The following CFAP300 variants were observed in gnomAD, a reference collection of about 807,000 sequenced individuals.
The protein encoded by CFAP300 is cilia and flagella associated protein 300, also known as cilia- and flagella-associated protein 300.
A neutral mutation model predicts 33.0 loss-of-function variants in CFAP300; 32 were observed. That is an observed-to-expected ratio of 0.97 (90% CI 0.73 to 1.30). The LOEUF is 1.30. CFAP300 is among the 50% of genes most tolerant of loss of function. CFAP300 has a pLI of 0.00. For missense variants in CFAP300, 356 were observed against 318.1 expected (o/e 1.12, Z -0.90); for synonymous variants, 102 against 106.8 (o/e 0.95, Z 0.28).
intron 3 of CFAP300, among the ~76,000 whole-genome samples, chr11:102,064,277 G>C (rs545729969): frequency 6.6e-6 from 1 of 152,120 alleles, no homozygotes; most frequent in Non-Finnish European, 1.5e-5. Flanking sequence ...TGGCATGCCC[G>C]ATGTCAGTCC....
At chr11:102,064,930 T>C (rs746964609) in intron 3 of CFAP300, among the ~76,000 whole-genome samples, 34 of 152,154 alleles carry the variant, frequency 2.2e-4, no homozygotes, top group Non-Finnish European at 4.0e-4. Flanking sequence ...GGATAGGGAA[T>C]GGAGGATGGG....
rs1214706119 is a variant in CFAP300 at position 102,083,081 on chromosome 11, G to A, written c.686G>A (p.Gly229Asp). 1.4e-6 allele frequency: 2 copies of A among 1,458,354 alleles called. No individual in the cohort carries two copies. Among genetic ancestry groups the A allele is most frequent in the African/African-American group, 1.4e-5 (1 of 69,472 alleles). 90.3% of individuals were successfully genotyped at this position (1,458,354 alleles called of 1,614,324 possible). ...VFKVSAYDSA[G>D]MCYPSAKNHE... Reference sequence around the variant, plus strand: ...GTTTGTCTTTTTCAGGATTCTGCTGGTATGTGCTATCCTTCAGCAAAGAAT... The same window carrying A: ...GTTTGTCTTTTTCAGGATTCTGCTGATATGTGCTATCCTTCAGCAAAGAAT... The change falls in exon 7 of 7, where the codon GGT (glycine) becomes GAT (aspartate). Residue 229 changes from glycine to aspartate, a missense_variant. Gly to Asp is a moderately conservative substitution (Grantham distance 94, BLOSUM62 -1). Transcript: ENST00000434758.
At chr11:102,063,000 A>C (rs1942171730) in intron 3 of CFAP300, among the ~76,000 whole-genome samples, 2 of 151,630 alleles carry the variant, frequency 1.3e-5, no homozygotes, top group South Asian at 4.1e-4. Context: ...AAAGGTTAGA[A>C]AGACCCCGAA....
intron 3 of CFAP300, among the ~76,000 whole-genome samples, chr11:102,065,885 C>T (rs937553269): frequency 5.9e-5 from 9 of 151,906 alleles, no homozygotes; most frequent in African/African-American, 1.9e-4. Context: ...GAATCCTCTA[C>T]TACATTTTTT....
chr11:102,071,545 TG>T (rs372685960), intron 4 of CFAP300, among the ~76,000 whole-genome samples: 17 of 152,308 alleles, frequency 1.1e-4, no homozygotes, highest in African/African-American at 4.1e-4. Context: ...CTTTGGGGTT[TG>T]GTGGTTTTCT....
intron 2 of CFAP300, among the ~76,000 whole-genome samples, chr11:102,048,858 G>A (rs761073603): frequency 1.3e-5 from 2 of 151,612 alleles, no homozygotes; most frequent in Non-Finnish European, 1.5e-5. Flanking sequence ...AGTTTATGAA[G>A]TTATCTTCAT....
chr11:102,049,037 C>T (rs1941929609), intron 2 of CFAP300, among the ~76,000 whole-genome samples: 1 of 151,592 alleles, frequency 6.6e-6, no homozygotes, highest in South Asian at 2.1e-4. Context: ...GGCAAGACTA[C>T]AATAAATGAA....
In CFAP300 at chr11:102,058,903, T is replaced by C. The variant is rs768846842; in HGVS notation, c.216T>C (p.Val72=). The C allele has an allele frequency of 1.3e-6, 2 of 1,587,164 alleles. No individual in the cohort carries two copies. The highest frequency in any genetic ancestry group is 1.2e-5 in the South Asian group (1 of 84,358). The stretch of plus-strand genomic sequence containing the variant: ...AGGCTTTTTTCAAAGACCCAAATGT[T>C]ATTCCCAATTTGAAGTTACTTTCAG... ...FVMAFFKDPN[V]IPNLKLLSDS... Residue 72 remains valine, a synonymous_variant, in exon 3 of 7, where the codon GTT becomes GTC. Transcript: ENST00000434758.
chr11:102,047,444 C>T lies in CFAP300; in HGVS notation c.-27C>T, dbSNP rs1320018491. On this transcript the variant is annotated 5_prime_UTR_variant, in exon 1 of 7. Transcript: ENST00000434758. ...GCCGCCGCGTCTCCATGGAAACGGC[C>T]CAGGCATCCACCCAGCCGAGAGCAC... 2.6e-6 allele frequency: 4 copies of T among 1,522,814 alleles called. No individual in the cohort carries two copies. Among genetic ancestry groups the T allele is most frequent in the Non-Finnish European group, 3.5e-6 (4 of 1,135,076 alleles). 94.3% of individuals were successfully genotyped at this position (1,522,814 alleles called of 1,614,324 possible).
At chr11:102,074,160 G>A (rs974307775) in intron 4 of CFAP300, among the ~76,000 whole-genome samples, 1 of 144,538 alleles carries the variant, frequency 6.9e-6, no homozygotes, top group African/African-American at 2.5e-5. Flanking sequence ...ATGCAGTCCG[G>A]TAGGAGTTGG....
chr11:102,065,994 G>A (rs541777149), intron 3 of CFAP300, among the ~76,000 whole-genome samples: 39 of 141,488 alleles, frequency 2.8e-4, no homozygotes, highest in African/African-American at 9.3e-4. Flanking sequence ...TTTTTGAGAC[G>A]CAGCCTAGGC....
chr11:102,064,464 T>C (rs1942194833), intron 3 of CFAP300, among the ~76,000 whole-genome samples: 2 of 152,202 alleles, frequency 1.3e-5, no homozygotes, highest in Non-Finnish European at 1.5e-5. Flanking sequence ...CTTAGCAGCA[T>C]AGCTTTTGCA....
rs570498445 is a variant in CFAP300 at position 102,081,840 on chromosome 11, G to A, written c.675+559G>A. 2.8e-5 allele frequency among the ~76,000 whole-genome samples: 4 copies of A among 145,298 alleles called. No individual in the cohort carries two copies. The East Asian group carries it at 6.1e-4, about 22-fold the overall frequency. On this transcript the variant is annotated intron_variant, in intron 6 of 6. Coordinates refer to ENST00000434758, the MANE Select transcript of CFAP300 (RefSeq NM_032930.3). ...TGGGAGGCGGAGGTTGCAGTGAGCCGAGATCATGCCACTGCACTCCAGACT... is the reference window on the plus strand; with the variant it reads ...TGGGAGGCGGAGGTTGCAGTGAGCCAAGATCATGCCACTGCACTCCAGACT...
chr11:102,061,369 T>A (rs1170823172), intron 3 of CFAP300, among the ~76,000 whole-genome samples: 1 of 152,282 alleles, frequency 6.6e-6, no homozygotes, highest in South Asian at 2.1e-4. Flanking sequence ...CTTTTTAAAA[T>A]AGGTGAAGAG....
intron 4 of CFAP300, among the ~76,000 whole-genome samples, chr11:102,070,322 T>A (rs569182686): frequency 6.6e-6 from 1 of 152,338 alleles, no homozygotes; most frequent in East Asian, 1.9e-4. Flanking sequence ...TTGAGTTTTT[T>A]AAATACTTCT....
Position 102,047,803 on chromosome 11 carries a change from C to G in CFAP300, c.111-12C>G. ...AGCCCCCAGATGATTTCTTTTTCCTCCTCTGCCCCAGGTCCATGCTGGGCA... is the reference window on the plus strand; with the variant it reads ...AGCCCCCAGATGATTTCTTTTTCCTGCTCTGCCCCAGGTCCATGCTGGGCA... On this transcript the variant is annotated splice_polypyrimidine_tract_variant and intron_variant, in intron 1 of 6. Transcript: ENST00000434758. 1 of 1,613,596 alleles carries G rather than the reference C, an allele frequency of 6.2e-7. No individual in the cohort carries two copies. The highest frequency in any genetic ancestry group is 8.5e-7 in the Non-Finnish European group (1 of 1,179,814).
chr11:102,066,685 T>G, intron 4 of CFAP300, 34 bp downstream of exon 4: 1 of 1,558,590 alleles, frequency 6.4e-7, no homozygotes, highest in Non-Finnish European at 8.6e-7. Context: ...CGCAGTGGAA[T>G]TTTATTTCAG....
In CFAP300 at chr11:102,054,993, T is replaced by TC. The variant is rs1283624303; in HGVS notation, c.193-3887_193-3886insC. Among the ~76,000 whole-genome samples the TC allele has an allele frequency of 4.0e-5, 6 of 151,780 alleles. No homozygotes were observed. In the East Asian group the frequency reaches 1.2e-3, roughly 29 times the overall value. On this transcript the variant is annotated intron_variant, in intron 2 of 6. Transcript: ENST00000434758. ...AAGTAGTTTGATATTCTTTTTTTTT[T>TC]TTTTGAAGACAGAGTCTCTCTCTGT...
chr11:102,075,922 A>G lies in CFAP300; in HGVS notation c.485A>G (p.Asp162Gly). ...AAATATGAAATATTCAGCCAACCAG[A>G]TAGAGAAGAGTTCCTGTTTTGTCTT... is the stretch of plus-strand genomic sequence containing the variant. The part of the protein sequence containing the change: ...SEKYEIFSQP[D>G]REEFLFCLFK... Residue 162 changes from aspartate (D) to glycine (G), a missense_variant, in exon 5 of 7, where the codon GAT becomes GGT. Transcript: ENST00000434758. The G allele has an allele frequency of 6.2e-7, 1 of 1,613,812 alleles. No individual in the cohort carries two copies. The highest frequency in any genetic ancestry group is 8.5e-7 in the Non-Finnish European group (1 of 1,179,880).
Sources: gnomAD v4.1 joint callset for allele counts (sites outside exome capture counted in the v4.1 genomes callset) on GRCh38, gnomAD v4.1.1 for gene constraint, MANE v1.5 for transcripts, NCBI Gene and HGNC (gene_info 2026-07-23, HGNC 2026-07-21) for gene names.